GALNT13: variants seen among roughly 807,000 people sequenced by gnomAD.
GALNT13 encodes polypeptide N-acetylgalactosaminyltransferase 13, also known as UDP-GalNAc:polypeptide N-acetylgalactosaminyltransferase 13.
In GALNT13, 28 loss-of-function variants were observed where a neutral mutation model predicts 64.2. The ratio of observed to expected loss-of-function variants is 0.44; its 90% CI spans 0.32 to 0.60. The LOEUF (loss-of-function observed/expected upper bound fraction) is 0.60, where lower values mean the gene tolerates loss of function less well. Among genes scored for constraint, GALNT13 ranks in the 20% least tolerant of loss-of-function variants. The probability of loss-of-function intolerance (pLI) is 0.05; values close to 1 mark genes in which losing one functional copy is unlikely to be tolerated. For synonymous variants in GALNT13, 214 were observed against 224.6 expected (o/e 0.95, Z 0.42); for missense variants, 577 against 669.8 (o/e 0.86, Z 1.53).
At chr2:153,248,263 A>G in the GALNT13 span, among the ~76,000 whole-genome samples, 5 of 152,316 alleles carry the variant, frequency 3.3e-5, no homozygotes, top group African/African-American at 1.2e-4. Context: ...GAACAAGAAA[A>G]GAAAATTTTA....
chr2:153,228,870 A>T, the GALNT13 span, among the ~76,000 whole-genome samples: 2 of 10,820 alleles, frequency 1.8e-4, no homozygotes, highest in Non-Finnish European at 6.5e-4. Flanking sequence ...AGACTGTCTC[A>T]AAAAAAAAAA....
At chr2:153,707,298 A>C in the GALNT13 span, among the ~76,000 whole-genome samples, 1 of 152,212 alleles carries the variant, frequency 6.6e-6, no homozygotes, top group Admixed American at 6.5e-5. Flanking sequence ...TCCATTGGTC[A>C]AAGGTAAAAA....
the GALNT13 span, among the ~76,000 whole-genome samples, chr2:153,425,405 T>C: frequency 3.1e-4 from 47 of 151,852 alleles, no homozygotes; most frequent in East Asian, 8.1e-3. Flanking sequence ...AAACTACATA[T>C]GAAAACCAAA....
At chr2:153,335,093 A>C in the GALNT13 span, among the ~76,000 whole-genome samples, 1 of 152,114 alleles carries the variant, frequency 6.6e-6, no homozygotes, top group Non-Finnish European at 1.5e-5. Context: ...GCTATGTAAG[A>C]AGTGTCTTTT....
At chr2:154,307,357 A>G (rs1693795455) in intron 9 of GALNT13, among the ~76,000 whole-genome samples, 2 of 152,236 alleles carry the variant, frequency 1.3e-5, no homozygotes, top group African/African-American at 4.8e-5. Context: ...GGTTACTTTT[A>G]TACATTTTGG....
intron 3 of GALNT13, among the ~76,000 whole-genome samples, chr2:154,009,696 A>G (rs1696497543): frequency 6.6e-6 from 1 of 151,872 alleles, no homozygotes; most frequent in South Asian, 2.1e-4. Context: ...CACCATATTC[A>G]TCAGGCTGGT....
At chr2:153,795,217 C>A in the GALNT13 span, among the ~76,000 whole-genome samples, 2 of 152,072 alleles carry the variant, frequency 1.3e-5, no homozygotes, top group Non-Finnish European at 2.9e-5. Flanking sequence ...ATTTTATAGA[C>A]AAAATAATGC....
chr2:153,588,641 T>C, the GALNT13 span, among the ~76,000 whole-genome samples: 2 of 152,198 alleles, frequency 1.3e-5, no homozygotes, highest in Non-Finnish European at 2.9e-5. Flanking sequence ...GGAGCTGCCT[T>C]GAAGCTGCCC....
At chr2:154,000,608 T>C (rs1239006779) in intron 3 of GALNT13, among the ~76,000 whole-genome samples, 1 of 152,030 alleles carries the variant, frequency 6.6e-6, no homozygotes, top group African/African-American at 2.4e-5. Flanking sequence ...AACATTCCTT[T>C]TGTCATTTAT....
chr2:153,284,106 C>T, the GALNT13 span, among the ~76,000 whole-genome samples: 8 of 152,226 alleles, frequency 5.3e-5, no homozygotes, highest in East Asian at 1.6e-3. Context: ...TGATTCAGAC[C>T]AGTAGTGCTC....
At chr2:154,173,234 A>G (rs1228443713) in intron 4 of GALNT13, among the ~76,000 whole-genome samples, 1 of 151,978 alleles carries the variant, frequency 6.6e-6, no homozygotes, top group Non-Finnish European at 1.5e-5. Flanking sequence ...GGGAATGAAC[A>G]GTCTCTTTGA....
intron 4 of GALNT13, among the ~76,000 whole-genome samples, chr2:154,204,987 C>T (rs1249562417): frequency 6.6e-6 from 1 of 152,006 alleles, no homozygotes; most frequent in Non-Finnish European, 1.5e-5. Context: ...AGCATATGTC[C>T]CATATGTGTA....
At chr2:153,541,625 G>C in the GALNT13 span, among the ~76,000 whole-genome samples, 1 of 152,278 alleles carries the variant, frequency 6.6e-6, no homozygotes, top group Admixed American at 6.5e-5. Flanking sequence ...GATCTACCTT[G>C]TTTGATTGTA....
the GALNT13 span, among the ~76,000 whole-genome samples, chr2:153,712,816 A>G: frequency 1.3e-5 from 2 of 152,156 alleles, no homozygotes; most frequent in African/African-American, 2.4e-5. Flanking sequence ...GTATCTAACC[A>G]CTGAAGCTGA....
At chr2:153,355,355 G>A in the GALNT13 span, among the ~76,000 whole-genome samples, 1 of 152,162 alleles carries the variant, frequency 6.6e-6, no homozygotes, top group African/African-American at 2.4e-5. Flanking sequence ...TCATATTTCT[G>A]TATTCCCTCA....
chr2:153,436,226 T>G, the GALNT13 span, among the ~76,000 whole-genome samples: 3 of 152,232 alleles, frequency 2.0e-5, no homozygotes, highest in Non-Finnish European at 4.4e-5. Flanking sequence ...TGGATTCGTT[T>G]TGCCAGTATT....
the GALNT13 span, among the ~76,000 whole-genome samples, chr2:153,616,394 C>G: frequency 2.0e-5 from 3 of 151,636 alleles, no homozygotes; most frequent in Admixed American, 2.0e-4. Flanking sequence ...TTGCTTAGGA[C>G]CATTTTGGCT....
At chr2:153,577,048 T>C in the GALNT13 span, among the ~76,000 whole-genome samples, 1 of 152,190 alleles carries the variant, frequency 6.6e-6, no homozygotes, top group Non-Finnish European at 1.5e-5. Context: ...TGTATGTGTA[T>C]GGCATGTGAA....
the GALNT13 span, among the ~76,000 whole-genome samples, chr2:153,613,262 A>T: frequency 6.6e-6 from 1 of 152,184 alleles, no homozygotes; most frequent in South Asian, 2.1e-4. Context: ...GCAAGAGATC[A>T]AAGAGATTTT....
Sources: gnomAD v4.1 joint callset for allele counts (sites outside exome capture counted in the v4.1 genomes callset) on GRCh38, gnomAD v4.1.1 for gene constraint, MANE v1.5 for transcripts, NCBI Gene and HGNC (gene_info 2026-07-23, HGNC 2026-07-21) for gene names.